The following EDAR variants were observed in gnomAD, a reference collection of about 807,000 sequenced individuals.
The protein encoded by EDAR is tumor necrosis factor receptor superfamily member EDAR.
A neutral mutation model predicts 51.3 loss-of-function variants in EDAR; 38 were observed. The ratio of observed to expected loss-of-function variants is 0.74; its 90% CI spans 0.57 to 0.97. The LOEUF is 0.97. Among genes scored for constraint, EDAR ranks in the 50% least tolerant of loss-of-function variants. The pLI is 0.00. For missense variants in EDAR, 528 were observed against 595.0 expected (o/e 0.89, Z 1.17); for synonymous variants, 227 against 242.1 (o/e 0.94, Z 0.58).
intron 1 of EDAR, among the ~76,000 whole-genome samples, chr2:108,969,340 C>T (rs1401846550): frequency 6.6e-6 from 1 of 151,952 alleles, no homozygotes; most frequent in Non-Finnish European, 1.5e-5. Flanking sequence ...TGGTCTTGTT[C>T]TTGCTGCTAT....
chr2:108,903,445 AAAAAT>A (rs1237072632), intron 11 of EDAR, among the ~76,000 whole-genome samples: 5 of 152,196 alleles, frequency 3.3e-5, no homozygotes, highest in African/African-American at 7.2e-5. Flanking sequence ...TTTTTGAAAA[AAAAAT>A]AAAGGAAAAT....
rs886039564 is a variant in EDAR, at chr2:108,897,181, C to T, written c.1073G>A (p.Arg358Gln). The change falls in exon 12 of 12, where the codon CGA (arginine) becomes CAA (glutamine). Residue 358 changes from arginine (R) to glutamine (Q), a missense_variant. By Grantham distance (43) the Arg-to-Gln change is conservative. Transcript: ENST00000258443. ...AGAGTTGTACGTGGAGCTGAGCATT[C>T]GGCTAGTCTTCTCGAGGCAATCAAA... ...LPFDCLEKTS[R>Q]MLSSTYNSEK... is the part of the protein sequence containing the mutation. The T allele has an allele frequency of 1.2e-6, 2 of 1,613,822 alleles. No individual in the cohort carries two copies. The highest frequency in any genetic ancestry group is 1.1e-5 in the South Asian group (1 of 91,058).
intron 1 of EDAR, among the ~76,000 whole-genome samples, chr2:108,978,785 C>T (rs72939921): frequency 0.021 from 3,188 of 152,196 alleles, 98 homozygotes; most frequent in East Asian, 0.083. Context: ...GGAGAAAAGA[C>T]GGGAAAATCC....
At chr2:108,932,528 CAAAAAA>C (rs1171012818) in intron 1 of EDAR, among the ~76,000 whole-genome samples, 58 of 39,152 alleles carry the variant, frequency 1.5e-3, no homozygotes, top group Non-Finnish European at 2.3e-3. Flanking sequence ...GACTCTGTCT[CAAAAAA>C]AAAAAAAAAA....
intron 1 of EDAR, among the ~76,000 whole-genome samples, chr2:108,988,378 C>A (rs1403968905): frequency 6.6e-6 from 1 of 152,150 alleles, no homozygotes; most frequent in African/African-American, 2.4e-5. Context: ...TTGAGAGGAA[C>A]CTCTTGGCTG....
At chr2:108,984,586 C>T (rs1311402570) in intron 1 of EDAR, among the ~76,000 whole-genome samples, 1 of 152,144 alleles carries the variant, frequency 6.6e-6, no homozygotes, top group African/African-American at 2.4e-5. Flanking sequence ...TGTCCTGGTT[C>T]ACTCCCTCAC....
At chr2:108,953,528 G>A (rs375174750) in intron 1 of EDAR, among the ~76,000 whole-genome samples, 4 of 152,164 alleles carry the variant, frequency 2.6e-5, no homozygotes, top group East Asian at 1.9e-4. Context: ...TAAGGCTCAC[G>A]GTCCTGTGCT....
At chr2:108,982,424 C>T (rs1698435620) in intron 1 of EDAR, among the ~76,000 whole-genome samples, 1 of 152,236 alleles carries the variant, frequency 6.6e-6, no homozygotes, top group African/African-American at 2.4e-5. Flanking sequence ...GCAGCCAGTC[C>T]TTTAAGAACT....
intron 1 of EDAR, among the ~76,000 whole-genome samples, chr2:108,951,284 A>G (rs1697822219): frequency 6.6e-6 from 1 of 152,162 alleles, no homozygotes; most frequent in Admixed American, 6.5e-5. Context: ...TGTAATTCCA[A>G]TGACCACACT....
intron 1 of EDAR, among the ~76,000 whole-genome samples, chr2:108,974,556 C>T (rs1984850): frequency 0.44 from 66,082 of 151,004 alleles, 17,867 homozygotes; most frequent in South Asian, 0.66. Context: ...ATGATGAAAC[C>T]CCATCTCTAC....
rs371879795 is a variant in EDAR at position 108,916,183 on chromosome 2, T to C, written c.443-3419A>G. On this transcript the variant is annotated intron_variant, in intron 5 of 11. Transcript: ENST00000258443. ...TTCCTTTATAAGAGCAAACAAGAGA[T>C]TGAAAAGAAGCTGATCTATCTGTTC... Among the ~76,000 whole-genome samples, 6 of 152,284 alleles carry C rather than the reference T, an allele frequency of 3.9e-5. No individual in the cohort carries two copies. In the East Asian group the frequency reaches 1.2e-3, roughly 29 times the overall value.
At chr2:108,919,305 A>G (rs1386849865) in intron 5 of EDAR, among the ~76,000 whole-genome samples, 1 of 152,216 alleles carries the variant, frequency 6.6e-6, no homozygotes, top group Non-Finnish European at 1.5e-5. Context: ...ACTGATGATA[A>G]GAAAACAGCT....
Position 108,961,208 on chromosome 2 carries a change from A to G in EDAR, c.-19+27752T>C, listed in dbSNP as rs191802091. Among the ~76,000 whole-genome samples the G allele has an allele frequency of 3.5e-3, 532 of 152,294 alleles. 5 individuals are homozygous for G. Among genetic ancestry groups the G allele is most frequent in the African/African-American group, 0.012 (517 of 41,564 alleles). ...AGGCCCAGACAGAAAAAGAAGACTG[A>G]CCATAATTTTTAATGAAAGGGTAAA... On this transcript the variant is annotated intron_variant, in intron 1 of 11. Coordinates refer to ENST00000258443, the MANE Select transcript of EDAR (RefSeq NM_022336.4).
intron 5 of EDAR, 60 bp downstream of exon 5, chr2:108,923,307 TG>T: frequency 6.6e-7 from 1 of 1,509,876 alleles, no homozygotes; most frequent in South Asian, 1.1e-5. Context: ...CTACACCCTC[TG>T]TAGTGAAAGG....
At chr2:108,984,878 C>T (rs1016897736) in intron 1 of EDAR, among the ~76,000 whole-genome samples, 5 of 152,176 alleles carry the variant, frequency 3.3e-5, no homozygotes, top group Non-Finnish European at 7.3e-5. Context: ...TGAATGTGCA[C>T]TAAAACCAAC....
intron 9 of EDAR, among the ~76,000 whole-genome samples, chr2:108,910,031 C>T (rs1274456483): frequency 6.6e-6 from 1 of 152,202 alleles, no homozygotes; most frequent in Non-Finnish European, 1.5e-5. Context: ...GGGCAGTAGG[C>T]ACCAAATGCT....
chr2:108,905,521 A>C (rs1347372548), intron 11 of EDAR, among the ~76,000 whole-genome samples: 1 of 79,534 alleles, frequency 1.3e-5, no homozygotes, highest in Non-Finnish European at 2.4e-5. Flanking sequence ...CATTTGGCCT[A>C]CGGTGGGGTG....
intron 1 of EDAR, among the ~76,000 whole-genome samples, chr2:108,988,609 C>T (rs1262927034): frequency 1.3e-5 from 2 of 152,094 alleles, no homozygotes; most frequent in Admixed American, 1.3e-4. Flanking sequence ...CCCAGTGAGC[C>T]GGGCACAGGG....
intron 11 of EDAR, among the ~76,000 whole-genome samples, chr2:108,898,305 C>T (rs1696638459): frequency 6.6e-6 from 1 of 152,112 alleles, no homozygotes; most frequent in Non-Finnish European, 1.5e-5. Context: ...TCCTCTGCCC[C>T]CGTGGTGACC....
Sources: allele counts gnomAD v4.1 joint callset (sites outside exome capture counted in the v4.1 genomes callset), GRCh38; gene constraint gnomAD v4.1.1; transcripts MANE v1.5; gene names NCBI Gene and HGNC (gene_info 2026-07-23, HGNC 2026-07-21).